Variants in RIMS1 observed in about 807,000 individuals in gnomAD.
RIMS1 encodes regulating synaptic membrane exocytosis 1, also known as regulating synaptic membrane exocytosis protein 1.
Under a neutral mutation model 214.1 loss-of-function variants are expected in RIMS1, and 83 were observed. The observed-to-expected ratio is 0.39, with a 90% CI of 0.32 to 0.47. The LOEUF (loss-of-function observed/expected upper bound fraction) is 0.47, where lower values mean the gene tolerates loss of function less well. RIMS1 is among the 20% of genes least tolerant of loss of function. RIMS1 has a pLI of 0.99. For synonymous variants in RIMS1, 793 were observed against 786.8 expected (o/e 1.01, Z -0.13); for missense variants, 2,050 against 2,161.8 (o/e 0.95, Z 1.03).
chr6:72,130,397 C>T (rs1452014733), intron 4 of RIMS1, among the ~76,000 whole-genome samples: 1 of 152,000 alleles, frequency 6.6e-6, no homozygotes, highest in East Asian at 1.9e-4. Context: ...ATTTTTAGGT[C>T]AAAATTTAAC....
At position 72,179,846 on chromosome 6, in the gene RIMS1, C is replaced by T. The variant is rs116476753; in HGVS notation, c.743C>T (p.Ser248Leu). ...PPDRSKGAEP[S>L]QQALGPEQKQ... ...GACAGGAGCAAAGGGGCTGAGCCCTCGCAGCAAGCCTTGGGGCCTGAACAG... is the reference window on the plus strand; with the variant it reads ...GACAGGAGCAAAGGGGCTGAGCCCTTGCAGCAAGCCTTGGGGCCTGAACAG... The change falls in exon 5 of 34, where the codon TCG becomes TTG. Residue 248 changes from serine to leucine, a missense_variant. Physicochemically the swap from Ser to Leu is moderately radical, Grantham distance 145. Around this residue, in one of 6 missense-constraint regions of RIMS1, gnomAD observed 882 missense variants for 828.9 expected, o/e 1.06. Coordinates refer to ENST00000521978, the MANE Select transcript of RIMS1 (RefSeq NM_014989.7). 6.7e-3 allele frequency: 10,729 copies of T among 1,607,778 alleles called. 291 individuals carry two copies. The highest frequency in any genetic ancestry group is 0.048 in the South Asian group (4,318 of 90,298).
At chr6:72,284,645 C>T (rs1045092702) in intron 24 of RIMS1, among the ~76,000 whole-genome samples, 1 of 151,330 alleles carries the variant, frequency 6.6e-6, no homozygotes, top group African/African-American at 2.4e-5. Flanking sequence ...TTGTCCAATT[C>T]CACAAAGGTT....
At chr6:72,136,126 G>A (rs938818790) in intron 4 of RIMS1, among the ~76,000 whole-genome samples, 4 of 152,242 alleles carry the variant, frequency 2.6e-5, no homozygotes, top group African/African-American at 9.6e-5. Flanking sequence ...ACTGAGGACA[G>A]AATCAGTAAT....
At chr6:71,895,446 G>C (rs560922271) in intron 1 of RIMS1, among the ~76,000 whole-genome samples, 1 of 152,148 alleles carries the variant, frequency 6.6e-6, no homozygotes, top group South Asian at 2.1e-4. Flanking sequence ...AGGCTGAGAA[G>C]GGCGTATCAC....
chr6:72,105,269 G>A (rs2034512175), intron 4 of RIMS1, among the ~76,000 whole-genome samples: 1 of 151,826 alleles, frequency 6.6e-6, no homozygotes, highest in Admixed American at 6.6e-5. Context: ...TTATTCATTT[G>A]TTGGCTTACT....
chr6:72,172,791 A>G (rs573602848), intron 4 of RIMS1, among the ~76,000 whole-genome samples: 1 of 152,268 alleles, frequency 6.6e-6, no homozygotes, highest in Non-Finnish European at 1.5e-5. Flanking sequence ...AAATCGCACT[A>G]TGCATTTGAT....
intron 1 of RIMS1, among the ~76,000 whole-genome samples, chr6:71,919,228 G>A (rs1779284200): frequency 6.6e-6 from 1 of 152,060 alleles, no homozygotes; most frequent in African/African-American, 2.4e-5. Context: ...AGTGTCAGTG[G>A]GGAGAGATAG....
At chr6:72,196,469 T>C (rs2050946195) in intron 6 of RIMS1, among the ~76,000 whole-genome samples, 1 of 151,720 alleles carries the variant, frequency 6.6e-6, no homozygotes, top group African/African-American at 2.4e-5. Flanking sequence ...AAAATCAGGC[T>C]CTGTGGTAAG....
intron 23 of RIMS1, among the ~76,000 whole-genome samples, chr6:72,275,601 A>G (rs2085958053): frequency 6.6e-6 from 1 of 152,134 alleles, no homozygotes; most frequent in Non-Finnish European, 1.5e-5. Flanking sequence ...TTGCCTCAAT[A>G]TGGTTTACAT....
At chr6:71,915,427 T>A (rs1379648541) in intron 1 of RIMS1, among the ~76,000 whole-genome samples, 1 of 152,180 alleles carries the variant, frequency 6.6e-6, no homozygotes, top group Non-Finnish European at 1.5e-5. Context: ...GTGTTTGCTC[T>A]GTGTAGGTGG....
intron 4 of RIMS1, among the ~76,000 whole-genome samples, chr6:72,104,784 A>G (rs1027907527): frequency 2.6e-5 from 4 of 152,164 alleles, no homozygotes; most frequent in African/African-American, 9.7e-5. Flanking sequence ...GATACTTTAA[A>G]TGACTGTTTT....
chr6:72,187,839 G>A (rs548258288), intron 6 of RIMS1, among the ~76,000 whole-genome samples: 1 of 152,156 alleles, frequency 6.6e-6, no homozygotes, highest in East Asian at 1.9e-4. Flanking sequence ...GTTCTCTAGA[G>A]GGACAGAACT....
chr6:72,361,700 C>A (rs1296658873), intron 29 of RIMS1, among the ~76,000 whole-genome samples: 1 of 152,198 alleles, frequency 6.6e-6, no homozygotes, highest in African/African-American at 2.4e-5. Context: ...GCCTTCCTAG[C>A]CTCTAGTGGC....
rs2095264228 is a variant in RIMS1, at chr6:72,307,390, A to G, written c.3963+20A>G. The G allele has an allele frequency of 1.4e-6, 2 of 1,448,874 alleles. No individual in the cohort carries two copies. The highest frequency in any genetic ancestry group is 1.9e-5 in the Admixed American group (1 of 52,752). The allele number at this position is 1,448,874 out of a possible 1,614,324, so 89.8% of individuals were successfully genotyped here. On this transcript the variant is annotated intron_variant, in intron 27 of 33. Transcript: ENST00000521978. ...TCCAAGGTAAAATTAGTAGTATCCAACAAATAGTTTCCCTTTTAAAAATGT... is the reference window on the plus strand; with the variant it reads ...TCCAAGGTAAAATTAGTAGTATCCAGCAAATAGTTTCCCTTTTAAAAATGT...
At chr6:72,095,052 T>G (rs1422570387) in intron 2 of RIMS1, among the ~76,000 whole-genome samples, 1 of 150,528 alleles carries the variant, frequency 6.6e-6, no homozygotes, top group African/African-American at 2.4e-5. Flanking sequence ...CCCGGGTTCA[T>G]GCCATTCTCC....
At chr6:72,232,435 G>C (rs1224872908) in intron 6 of RIMS1, among the ~76,000 whole-genome samples, 1 of 151,550 alleles carries the variant, frequency 6.6e-6, no homozygotes, top group Non-Finnish European at 1.5e-5. Context: ...GTTCTTTTCT[G>C]ACTTCCTAAT....
chr6:72,013,203 C>G (rs966296766), intron 2 of RIMS1, among the ~76,000 whole-genome samples: 1 of 152,042 alleles, frequency 6.6e-6, no homozygotes, highest in African/African-American at 2.4e-5. Flanking sequence ...AGAAAATAAC[C>G]CCAATATTGC....
chr6:71,949,825 T>C (rs973325437), intron 1 of RIMS1, among the ~76,000 whole-genome samples: 4 of 152,198 alleles, frequency 2.6e-5, no homozygotes, highest in African/African-American at 7.2e-5. Context: ...TAAATTAACA[T>C]ACACTTGCCA....
At chr6:72,007,511 C>T (rs188313576) in intron 2 of RIMS1, among the ~76,000 whole-genome samples, 1 of 151,924 alleles carries the variant, frequency 6.6e-6, no homozygotes, top group Non-Finnish European at 1.5e-5. Context: ...AGGCTTCAGA[C>T]AATCAAACTT....
Sources: allele counts gnomAD v4.1 joint callset (sites outside exome capture counted in the v4.1 genomes callset), GRCh38; gene constraint gnomAD v4.1.1; regional missense constraint gnomAD v4.1.1; transcripts MANE v1.5; gene names NCBI Gene and HGNC (gene_info 2026-07-23, HGNC 2026-07-21).